The following ADARB2 variants were observed in gnomAD, a reference collection of about 807,000 sequenced individuals.
ADARB2 encodes adenosine deaminase RNA specific B2 (inactive).
A neutral mutation model predicts 62.2 loss-of-function variants in ADARB2; 25 were observed. That is an observed-to-expected ratio of 0.40 (90% CI 0.29 to 0.56). The LOEUF (loss-of-function observed/expected upper bound fraction) is 0.56, where lower values mean the gene tolerates loss of function less well. ADARB2 is among the 20% of genes least tolerant of loss of function. ADARB2 has a pLI of 0.43. For synonymous variants in ADARB2, 572 were observed against 500.8 expected, an observed-to-expected ratio of 1.14 and a Z score of -1.90; for missense variants, 1,071 against 1,077.4, an observed-to-expected ratio of 0.99 and a Z score of 0.08.
At chr10:1,642,910 C>A (rs1026219504) in intron 1 of ADARB2, among the ~76,000 whole-genome samples, 7 of 152,198 alleles carry the variant, frequency 4.6e-5, no homozygotes. Context: ...GCACACTGAC[C>A]CCTCTAAGTC....
chr10:1,611,458 T>G (rs1277900267), intron 1 of ADARB2, among the ~76,000 whole-genome samples: 1 of 152,136 alleles, frequency 6.6e-6, no homozygotes, highest in African/African-American at 2.4e-5. Context: ...TCTCCAATAA[T>G]TGATTTTCTC....
chr10:1,437,327 C>T (rs184852429), intron 1 of ADARB2, among the ~76,000 whole-genome samples: 73 of 151,828 alleles, frequency 4.8e-4, no homozygotes, highest in African/African-American at 1.6e-3. Context: ...TGTGGATGAA[C>T]GTAAAGTTAG....
intron 1 of ADARB2, among the ~76,000 whole-genome samples, chr10:1,469,532 T>C (rs1202516577): frequency 1.3e-5 from 2 of 152,234 alleles, no homozygotes; most frequent in Admixed American, 6.5e-5. Flanking sequence ...TCCCAAATTA[T>C]GAAAACCTCT....
At chr10:1,567,985 C>T (rs982878564) in intron 1 of ADARB2, among the ~76,000 whole-genome samples, 8 of 152,190 alleles carry the variant, frequency 5.3e-5, no homozygotes, top group Non-Finnish European at 7.3e-5. Flanking sequence ...TGGAGCAGCT[C>T]GATCCTTGGG....
chr10:1,530,418 C>T (rs187832911), intron 1 of ADARB2, among the ~76,000 whole-genome samples: 9 of 152,348 alleles, frequency 5.9e-5, no homozygotes, highest in Admixed American at 1.3e-4. Context: ...ACAGTCACTT[C>T]GTCCTCCTTT....
At chr10:1,601,389 C>T (rs1833411117) in intron 1 of ADARB2, among the ~76,000 whole-genome samples, 2 of 152,200 alleles carry the variant, frequency 1.3e-5, no homozygotes, top group African/African-American at 2.4e-5. Context: ...GCCAGCATGC[C>T]CTTCTCACAG....
At chr10:1,288,746 C>A (rs977253743) in intron 3 of ADARB2, among the ~76,000 whole-genome samples, 3 of 152,218 alleles carry the variant, frequency 2.0e-5, no homozygotes, top group South Asian at 4.1e-4. Context: ...CAGCCACCTG[C>A]ATCAAGACCA....
chr10:1,363,480 CG>C lies in ADARB2; in HGVS notation c.624del (p.Gly209AlafsTer75). 5 of 1,494,738 alleles carry C rather than the reference CG, an allele frequency of 3.3e-6. No individual in the cohort carries two copies. Among genetic ancestry groups the C allele is most frequent in the Admixed American group, 2.4e-5 (1 of 42,484 alleles). The allele number at this position is 1,494,738 out of a possible 1,614,324, so 92.6% of individuals were successfully genotyped here. A position where few individuals can be genotyped will look rare whatever the true frequency, so the allele number is the denominator to read the frequency against. On this transcript the variant is annotated frameshift_variant, in exon 3 of 10. Coordinates refer to ENST00000381312, the MANE Select transcript of ADARB2 (RefSeq NM_018702.4). LOFTEE classifies it high-confidence loss of function. ...AHLAMGGGPG[P>X]GTDFTSDQAD... is the part of the protein sequence containing the mutation. The stretch of plus-strand genomic sequence containing the variant: ...GCCTGGTCGGAGGTGAAGTCCGTGC[CG>C]GGGCCCGGGCCCCCGCCCATGGCCA...
chr10:1,530,365 T>C (rs1382931179), intron 1 of ADARB2, among the ~76,000 whole-genome samples: 2 of 152,202 alleles, frequency 1.3e-5, no homozygotes, highest in Non-Finnish European at 2.9e-5. Flanking sequence ...AACACTTGCG[T>C]CCTGGGTTTC....
At position 1,633,568 on chromosome 10, in the gene ADARB2, C is replaced by CTATCTATCTATCTATCTATCTA. The variant is rs1564353111; in HGVS notation, c.100+103461_100+103482dup. On this transcript the variant is annotated intron_variant, in intron 1 of 9. Transcript: ENST00000381312. The stretch of plus-strand genomic sequence containing the variant: ...ATCTATCATCTATCTATCTATCTAT[C>CTATCTATCTATCTATCTATCTA]TATCTATCTATCTATCTATCTATCT... Among the ~76,000 whole-genome samples the CTATCTATCTATCTATCTATCTA allele has an allele frequency of 6.2e-5, 9 of 145,782 alleles. No individual in the cohort carries two copies. The East Asian group carries it at 1.2e-3, about 20-fold the overall frequency.
At chr10:1,661,173 A>C (rs1260463624) in intron 1 of ADARB2, among the ~76,000 whole-genome samples, 1 of 152,172 alleles carries the variant, frequency 6.6e-6, no homozygotes, top group African/African-American at 2.4e-5. Context: ...TTTCCAAAAT[A>C]AACCTGTCTT....
chr10:1,551,860 C>G (rs10903482), intron 1 of ADARB2, among the ~76,000 whole-genome samples: 3 of 152,066 alleles, frequency 2.0e-5, no homozygotes, highest in Non-Finnish European at 4.4e-5. Context: ...GAGGGCTGAG[C>G]TGGGCTTGTC....
intron 4 of ADARB2, among the ~76,000 whole-genome samples, chr10:1,268,665 G>A (rs1831230394): frequency 6.6e-6 from 1 of 151,706 alleles, no homozygotes; most frequent in African/African-American, 2.4e-5. Flanking sequence ...ATCTAAAAAT[G>A]TTTGTATTAG....
chr10:1,566,666 A>G (rs1480992586), intron 1 of ADARB2, among the ~76,000 whole-genome samples: 1 of 152,224 alleles, frequency 6.6e-6, no homozygotes, highest in African/African-American at 2.4e-5. Flanking sequence ...AATTTGTGTC[A>G]CTTTGTTAGA....
intron 1 of ADARB2, among the ~76,000 whole-genome samples, chr10:1,685,914 G>T (rs1159457182): frequency 6.6e-6 from 1 of 152,196 alleles, no homozygotes; most frequent in Non-Finnish European, 1.5e-5. Context: ...TGGCTGGGTG[G>T]CCTCTGCCCG....
At chr10:1,533,036 C>G (rs553997689) in intron 1 of ADARB2, among the ~76,000 whole-genome samples, 1 of 152,026 alleles carries the variant, frequency 6.6e-6, no homozygotes, top group Non-Finnish European at 1.5e-5. Flanking sequence ...CCACCCTCCT[C>G]GAAGCAAACT....
At chr10:1,201,428 A>C (rs373742396) in intron 7 of ADARB2, among the ~76,000 whole-genome samples, 3 of 152,268 alleles carry the variant, frequency 2.0e-5, no homozygotes, top group East Asian at 1.9e-4. Context: ...CATTTAAAAA[A>C]ATATTGTGGT....
At chr10:1,517,653 A>G (rs1356660609) in intron 1 of ADARB2, among the ~76,000 whole-genome samples, 1 of 152,204 alleles carries the variant, frequency 6.6e-6, no homozygotes, top group Non-Finnish European at 1.5e-5. Flanking sequence ...ATTTTGTCAG[A>G]ATACTTACAC....
intron 4 of ADARB2, among the ~76,000 whole-genome samples, chr10:1,264,645 A>T (rs1187750420): frequency 1.3e-5 from 2 of 152,238 alleles, no homozygotes; most frequent in Non-Finnish European, 2.9e-5. Context: ...GCAGCAAAAC[A>T]TAGTCTACAT....
Sources: gnomAD v4.1 joint callset for allele counts (sites outside exome capture counted in the v4.1 genomes callset) on GRCh38, gnomAD v4.1.1 for gene constraint, MANE v1.5 for transcripts, NCBI Gene and HGNC (gene_info 2026-07-23, HGNC 2026-07-21) for gene names.